IGSF21: variants seen among roughly 807,000 people sequenced by gnomAD.
IGSF21 encodes the protein immunoglobulin superfamily member 21.
Under a neutral mutation model 46.8 loss-of-function variants are expected in IGSF21, and 28 were observed. The observed-to-expected ratio is 0.60, with a 90% confidence interval of 0.44 to 0.82. IGSF21 has a LOEUF of 0.82. Among genes scored for constraint, IGSF21 ranks in the 40% least tolerant of loss-of-function variants. The pLI is 0.00. For synonymous variants in IGSF21, 284 were observed against 273.6 expected, an observed-to-expected ratio of 1.04 and a Z score of -0.38; for missense variants, 624 against 665.5, an observed-to-expected ratio of 0.94 and a Z score of 0.69.
At chr1:18,314,105 C>T (rs1433470412) in intron 3 of IGSF21, among the ~76,000 whole-genome samples, 6 of 152,178 alleles carry the variant, frequency 3.9e-5, no homozygotes, top group Admixed American at 3.3e-4. Flanking sequence ...CTCTCACGGC[C>T]GGGGCCAATT....
At position 18,376,333 on chromosome 1, in the gene IGSF21, G is replaced by T. The variant is rs746467081; in HGVS notation, c.1039G>T (p.Val347Leu). 3 of 1,613,832 alleles carry T rather than the reference G, an allele frequency of 1.9e-6. No individual in the cohort carries two copies. The highest frequency in any genetic ancestry group is 1.3e-5 in the African/African-American group (1 of 74,910). ...TLVAPKGPKIVMTPSRARVGD... is the reference protein window; with the variant it reads ...TLVAPKGPKILMTPSRARVGD... ...AGTTGCCCCCAAAGGACCCAAAATT[G>T]TGATGACGCCCAGCAGAGCCCGGGT... The change falls in exon 7 of 10, where the codon GTG (valine) becomes TTG (leucine). Residue 347 changes from valine to leucine, a missense_variant. By Grantham distance (32) the Val-to-Leu change is conservative. Transcript: ENST00000251296.
chr1:18,369,090 G>A (rs747715989), intron 6 of IGSF21, among the ~76,000 whole-genome samples: 10 of 152,176 alleles, frequency 6.6e-5, no homozygotes, highest in Non-Finnish European at 1.3e-4. Flanking sequence ...GGACAGGCAG[G>A]TCTGCACACA....
chr1:18,275,796 C>T (rs2085094730), intron 2 of IGSF21, among the ~76,000 whole-genome samples: 2 of 152,106 alleles, frequency 1.3e-5, no homozygotes, highest in African/African-American at 4.8e-5. Context: ...TCCCCAGCTC[C>T]TCCCAGTGGG....
At chr1:18,118,976 T>A (rs2086210902) in intron 1 of IGSF21, among the ~76,000 whole-genome samples, 1 of 149,876 alleles carries the variant, frequency 6.7e-6, no homozygotes, top group South Asian at 2.1e-4. Flanking sequence ...TGAATTTTGT[T>A]GAAATCAGCT....
At chr1:18,196,209 G>A (rs1253737701) in intron 1 of IGSF21, among the ~76,000 whole-genome samples, 2 of 152,214 alleles carry the variant, frequency 1.3e-5, no homozygotes, top group African/African-American at 4.8e-5. Context: ...AGAGGCTGGA[G>A]GCAGGGAGGC....
At chr1:18,366,818 G>C (rs1452220173) in intron 6 of IGSF21, among the ~76,000 whole-genome samples, 5 of 152,092 alleles carry the variant, frequency 3.3e-5, no homozygotes, top group Non-Finnish European at 7.4e-5. Flanking sequence ...ACCAACCCAG[G>C]GATCCCCAAA....
At chr1:18,267,555 A>C (rs1471473656) in intron 2 of IGSF21, among the ~76,000 whole-genome samples, 2 of 152,168 alleles carry the variant, frequency 1.3e-5, no homozygotes, top group African/African-American at 4.8e-5. Context: ...GAGTGGAAAG[A>C]GGTTTGGAGA....
At chr1:18,338,753 T>C (rs759403659) in intron 4 of IGSF21, among the ~76,000 whole-genome samples, 6 of 152,094 alleles carry the variant, frequency 3.9e-5, no homozygotes, top group African/African-American at 1.4e-4. Context: ...ACACCAAGGG[T>C]GTATGCTGCA....
intron 4 of IGSF21, among the ~76,000 whole-genome samples, chr1:18,344,646 C>T (rs892099042): frequency 1.3e-5 from 2 of 152,044 alleles, no homozygotes; most frequent in African/African-American, 2.4e-5. Flanking sequence ...CAAGCAAAGC[C>T]GCCATACAAT....
intron 3 of IGSF21, among the ~76,000 whole-genome samples, chr1:18,310,208 A>G (rs981351926): frequency 2.0e-5 from 3 of 152,234 alleles, no homozygotes; most frequent in Non-Finnish European, 2.9e-5. Context: ...TTAAAATATA[A>G]CATACACACA....
chr1:18,259,384 A>T (rs896189435), intron 2 of IGSF21, among the ~76,000 whole-genome samples: 1 of 152,236 alleles, frequency 6.6e-6, no homozygotes, highest in Non-Finnish European at 1.5e-5. Context: ...GTAGGTGCTC[A>T]GTACAGGCTA....
rs142272082 is a variant in IGSF21 at position 18,173,903 on chromosome 1, G to A, written c.71-53995G>A. On this transcript the variant is annotated intron_variant, in intron 1 of 9. Coordinates refer to ENST00000251296, the MANE Select transcript of IGSF21 (RefSeq NM_032880.5). The stretch of plus-strand genomic sequence containing the variant: ...TGAGTAGCTGGGACTACAGGCGAGT[G>A]CCACCACGCCCAGCTAATTTTTGTA... 2.5e-3 allele frequency among the ~76,000 whole-genome samples: 382 copies of A among 152,198 alleles called. 3 individuals carry two copies. The highest frequency in any genetic ancestry group is 8.9e-3 in the African/African-American group (368 of 41,532).
At chr1:18,266,410 A>G (rs191410969) in intron 2 of IGSF21, among the ~76,000 whole-genome samples, 6 of 152,320 alleles carry the variant, frequency 3.9e-5, no homozygotes, top group African/African-American at 1.4e-4. Flanking sequence ...AGTGGTGTAC[A>G]ACAATAGGCA....
At chr1:18,378,018 T>C (rs1476650740) in intron 9 of IGSF21, among the ~76,000 whole-genome samples, 5 of 152,134 alleles carry the variant, frequency 3.3e-5, no homozygotes, top group African/African-American at 1.2e-4. Context: ...AGGCTCCCAC[T>C]CTTGGTCCTC....
intron 5 of IGSF21, 147 bp downstream of exon 5, chr1:18,362,377 C>A: frequency 1.6e-6 from 1 of 625,284 alleles, no homozygotes; most frequent in Non-Finnish European, 2.8e-6. Flanking sequence ...GGTCTGATCC[C>A]GTTTACCCAT....
intron 3 of IGSF21, among the ~76,000 whole-genome samples, chr1:18,308,554 C>G (rs544878658): frequency 3.3e-5 from 5 of 152,168 alleles, no homozygotes; most frequent in Non-Finnish European, 7.3e-5. Flanking sequence ...AGCTCATGCC[C>G]CATGTCCCAT....
chr1:18,243,239 C>T (rs953070305), intron 2 of IGSF21, among the ~76,000 whole-genome samples: 3 of 152,208 alleles, frequency 2.0e-5, no homozygotes, highest in African/African-American at 7.2e-5. Flanking sequence ...ATGGCCAAAG[C>T]AAAGCTCTGC....
intron 1 of IGSF21, among the ~76,000 whole-genome samples, chr1:18,226,864 G>T (rs2084572430): frequency 6.6e-6 from 1 of 152,232 alleles, no homozygotes; most frequent in Non-Finnish European, 1.5e-5. Flanking sequence ...GATCAGATGA[G>T]CCTGGATGAT....
Position 18,365,424 on chromosome 1 carries a change from C to T in IGSF21, c.742C>T (p.Arg248Cys), listed in dbSNP as rs780315284. The T allele has an allele frequency of 1.4e-5, 23 of 1,613,938 alleles. No homozygotes were observed. Among genetic ancestry groups the T allele is most frequent in the South Asian group, 2.2e-5 (2 of 91,068 alleles). Reference sequence around the variant, plus strand: ...GCGACCCTACACGGAGCGCCCCTCCCGTGGCCTGACCCCAGATCCCAACAT... The same window carrying T: ...GCGACCCTACACGGAGCGCCCCTCCTGTGGCCTGACCCCAGATCCCAACAT... ...GGRPYTERPS[R>C]GLTPDPNILL... The change falls in exon 6 of 10, where the codon CGT (arginine) becomes TGT (cysteine). Residue 248 changes from arginine to cysteine, a missense_variant. Coordinates refer to ENST00000251296, the MANE Select transcript of IGSF21 (RefSeq NM_032880.5). The surrounding 1 kb of genome is among the most constrained non-coding windows in gnomAD (Gnocchi z 4.8).
Sources: allele counts gnomAD v4.1 joint callset (sites outside exome capture counted in the v4.1 genomes callset), GRCh38; gene constraint gnomAD v4.1.1; non-coding constraint Gnocchi (gnomAD v3.1); transcripts MANE v1.5; gene names NCBI Gene and HGNC (gene_info 2026-07-23, HGNC 2026-07-21).